Variants in CTNNA2 observed in about 807,000 individuals in gnomAD.
CTNNA2 encodes catenin alpha 2.
In CTNNA2, 42 loss-of-function variants were observed where a neutral mutation model predicts 101.0. That is an observed-to-expected ratio of 0.42 (90% confidence interval 0.32 to 0.54). CTNNA2 has a LOEUF of 0.54. CTNNA2 is among the 20% of genes least tolerant of loss of function. CTNNA2 has a pLI of 0.14. For synonymous variants in CTNNA2, 450 were observed against 456.4 expected (o/e 0.99, Z 0.18); for missense variants, 871 against 1,223.1 (o/e 0.71, Z 4.29).
intron 7 of CTNNA2, among the ~76,000 whole-genome samples, chr2:80,026,946 A>C (rs997865582): frequency 9.2e-5 from 14 of 152,220 alleles, no homozygotes; most frequent in African/African-American, 3.4e-4. Context: ...TTAATAAGGT[A>C]GATTTCATCC....
chr2:80,374,213 C>T (rs1338787157), intron 7 of CTNNA2, among the ~76,000 whole-genome samples: 1 of 152,168 alleles, frequency 6.6e-6, no homozygotes. Context: ...TCAGTCCTCC[C>T]TGGCTTCCTC....
At chr2:80,375,387 A>G (rs1675845283) in intron 7 of CTNNA2, among the ~76,000 whole-genome samples, 2 of 151,974 alleles carry the variant, frequency 1.3e-5, no homozygotes, top group Admixed American at 1.3e-4. Context: ...GTTTACATGT[A>G]GGTTGTGGGG....
intron 7 of CTNNA2, among the ~76,000 whole-genome samples, chr2:80,227,929 T>G (rs141575079): frequency 6.6e-6 from 1 of 152,038 alleles, no homozygotes; most frequent in Admixed American, 6.5e-5. Context: ...TATGGGGAAG[T>G]GTGGACAAAT....
At position 80,446,607 on chromosome 2, in the gene CTNNA2, G is replaced by GA. The variant is rs199807497; in HGVS notation, c.1290+27015dup. Among the ~76,000 whole-genome samples the GA allele has an allele frequency of 8.1e-3, 1,229 of 150,942 alleles. 11 individuals carry two copies. The highest frequency in any genetic ancestry group is 0.043 in the South Asian group (205 of 4,780). On this transcript the variant is annotated intron_variant, in intron 9 of 18. Coordinates refer to ENST00000402739, the MANE Select transcript of CTNNA2 (RefSeq NM_001282597.3). The stretch of plus-strand genomic sequence containing the variant: ...TGGAAGCTTTCCAAATTGTGTTCTG[G>GA]AAAAAAAAATCATGTAAGGCTTTTT...
rs770488730 is a variant in CTNNA2, at chr2:80,439,363, C to T, written c.1290+19762C>T. The stretch of plus-strand genomic sequence containing the variant: ...AAGCATTGGTTATAGCTGCACTTGA[C>T]AATAACATCTAGTGTTTATAAGGTT... On this transcript the variant is annotated intron_variant, in intron 9 of 18. Transcript: ENST00000402739. Among the ~76,000 whole-genome samples, 10 of 152,182 alleles carry T rather than the reference C, an allele frequency of 6.6e-5. 1 individual carries two copies. Among genetic ancestry groups the T allele is most frequent in the Non-Finnish European group, 7.4e-5 (5 of 67,988 alleles).
chr2:79,552,800 CATT>C (rs1674196586), intron 1 of CTNNA2, among the ~76,000 whole-genome samples: 1 of 152,208 alleles, frequency 6.6e-6, no homozygotes, highest in Non-Finnish European at 1.5e-5. Flanking sequence ...CAATGCCAGG[CATT>C]ATTTTTTGAG....
intron 7 of CTNNA2, among the ~76,000 whole-genome samples, chr2:80,039,885 T>C (rs1302933958): frequency 6.6e-6 from 1 of 152,230 alleles, no homozygotes; most frequent in Non-Finnish European, 1.5e-5. Flanking sequence ...AATTGTTTGG[T>C]AATTTCATGG....
chr2:79,593,205 A>T (rs954695414), intron 1 of CTNNA2, among the ~76,000 whole-genome samples: 2 of 152,090 alleles, frequency 1.3e-5, no homozygotes, highest in African/African-American at 4.8e-5. Context: ...TAGTTGAATG[A>T]CTCTAATGAG....
chr2:80,394,248 G>T lies in CTNNA2; in HGVS notation c.1137+957G>T, dbSNP rs149437403. Among the ~76,000 whole-genome samples the T allele has an allele frequency of 3.0e-3, 457 of 152,314 alleles. 3 individuals carry two copies. The highest frequency in any genetic ancestry group is 0.011 in the African/African-American group (437 of 41,574). Reference sequence around the variant, plus strand: ...ACAAACAAAATTAGCAAGAGGCCTGGGCGAGAATGGCCAAGCAGCAACTTG... The same window carrying T: ...ACAAACAAAATTAGCAAGAGGCCTGTGCGAGAATGGCCAAGCAGCAACTTG... On this transcript the variant is annotated intron_variant, in intron 8 of 18. Transcript: ENST00000402739.
intron 2 of CTNNA2, among the ~76,000 whole-genome samples, chr2:79,657,755 G>C (rs1262437955): frequency 1.3e-5 from 2 of 151,534 alleles, no homozygotes; most frequent in South Asian, 2.1e-4. Flanking sequence ...AAAAAAATAG[G>C]ATTTTTAAAG....
At chr2:79,966,374 C>T (rs1285011597) in intron 7 of CTNNA2, among the ~76,000 whole-genome samples, 1 of 151,994 alleles carries the variant, frequency 6.6e-6, no homozygotes, top group African/African-American at 2.4e-5. Context: ...TAGCTGGGAC[C>T]ACAGGCCCCC....
intron 7 of CTNNA2, among the ~76,000 whole-genome samples, chr2:80,257,870 G>T (rs1672295691): frequency 6.6e-6 from 1 of 152,178 alleles, no homozygotes; most frequent in Non-Finnish European, 1.5e-5. Flanking sequence ...CGATTATACT[G>T]CCACTTGCTT....
chr2:80,545,807 A>AT, intron 10 of CTNNA2, 100 bp from the exon 11 acceptor site: 2 of 1,168,412 alleles, frequency 1.7e-6, no homozygotes, highest in Non-Finnish European at 2.4e-6. Flanking sequence ...ACTTATCTGT[A>AT]GAACGTACAG....
chr2:79,292,829 T>C (rs926307978), intron 2 of CTNNA2: 2 of 152,276 alleles, frequency 1.3e-5, no homozygotes, highest in Non-Finnish European at 2.9e-5. Context: ...TTAGTTCTTT[T>C]GGAGCATTTC....
chr2:80,389,269 TGAA>T lies in CTNNA2; in HGVS notation c.1057-3936_1057-3934del, dbSNP rs965639331. ...GTGATTGATCGTCCTGCTAACCTTG[TGAA>T]GAAGACAGAGCATATATTATGCTAT... On this transcript the variant is annotated intron_variant, in intron 7 of 18. Transcript: ENST00000402739. Among the ~76,000 whole-genome samples the T allele has an allele frequency of 7.6e-4, 115 of 152,268 alleles. 1 individual carries two copies. Among genetic ancestry groups the T allele is most frequent in the African/African-American group, 2.6e-3 (107 of 41,538 alleles).
At chr2:80,525,741 G>C (rs1689977499) in intron 9 of CTNNA2, among the ~76,000 whole-genome samples, 1 of 152,152 alleles carries the variant, frequency 6.6e-6, no homozygotes, top group Admixed American at 6.5e-5. Flanking sequence ...TCTTAAGAGA[G>C]TGACTGTAAC....
intron 7 of CTNNA2, among the ~76,000 whole-genome samples, chr2:80,090,694 G>T (rs773521699): frequency 1.3e-5 from 2 of 152,016 alleles, no homozygotes; most frequent in Non-Finnish European, 2.9e-5. Flanking sequence ...CCTTTTCAGG[G>T]ATATGCAAAG....
At chr2:79,305,491 A>G (rs1363192231) in intron 2 of CTNNA2, among the ~76,000 whole-genome samples, 2 of 151,078 alleles carry the variant, frequency 1.3e-5, no homozygotes, top group African/African-American at 4.9e-5. Context: ...ATGGTATGGT[A>G]TCTTTTCAAT....
intron 7 of CTNNA2, among the ~76,000 whole-genome samples, chr2:79,982,167 T>C (rs370544194): frequency 2.4e-5 from 3 of 123,480 alleles, no homozygotes; most frequent in East Asian, 5.5e-4. Context: ...GCCTCCAGAG[T>C]ACCTGAGACC....
Sources: allele counts gnomAD v4.1 joint callset (sites outside exome capture counted in the v4.1 genomes callset), GRCh38; gene constraint gnomAD v4.1.1; transcripts MANE v1.5; gene names NCBI Gene and HGNC (gene_info 2026-07-23, HGNC 2026-07-21).